RAB27B: variants seen among roughly 807,000 people sequenced by gnomAD.
RAB27B encodes RAB27B, member RAS oncogene family.
In RAB27B, 15 loss-of-function variants were observed where a neutral mutation model predicts 24.6. That is an observed-to-expected ratio of 0.61 (90% CI 0.41 to 0.94). The LOEUF is 0.94. RAB27B is among the 40% of genes least tolerant of loss of function. RAB27B has a pLI of 0.00. For synonymous variants in RAB27B, 105 were observed against 92.5 expected, an observed-to-expected ratio of 1.14 and a Z score of -0.78; for missense variants, 261 against 266.8, an observed-to-expected ratio of 0.98 and a Z score of 0.15.
chr18:54,775,471 G>A (rs768914694), intron 2 of RAB27B, among the ~76,000 whole-genome samples: 14 of 152,072 alleles, frequency 9.2e-5, no homozygotes, highest in East Asian at 1.9e-4. Context: ...GCTACAAACC[G>A]GTCATTTCAT....
intron 2 of RAB27B, among the ~76,000 whole-genome samples, chr18:54,813,568 C>T (rs566866027): frequency 1.3e-5 from 2 of 152,290 alleles, no homozygotes; most frequent in East Asian, 1.9e-4. Context: ...CATGTGATAC[C>T]CTGGCTCCTG....
intron 2 of RAB27B, among the ~76,000 whole-genome samples, chr18:54,755,668 A>G (rs1344554961): frequency 6.6e-6 from 1 of 152,220 alleles, no homozygotes; most frequent in Non-Finnish European, 1.5e-5. Flanking sequence ...ACTACTTTGC[A>G]GTAATTTTAT....
At chr18:54,791,457 C>T (rs192948470) in intron 2 of RAB27B, among the ~76,000 whole-genome samples, 1 of 152,122 alleles carries the variant, frequency 6.6e-6, no homozygotes. Context: ...CGCCTGTAGT[C>T]CCAGCTACTC....
intron 2 of RAB27B, among the ~76,000 whole-genome samples, chr18:54,819,582 T>C (rs988169816): frequency 1.3e-5 from 2 of 150,740 alleles, no homozygotes; most frequent in Non-Finnish European, 3.0e-5. Context: ...TCCACATAAT[T>C]ATAAGGTTTA....
At chr18:54,728,892 A>AC (rs1909631762) in intron 2 of RAB27B, among the ~76,000 whole-genome samples, 2 of 102,566 alleles carry the variant, frequency 1.9e-5, no homozygotes, top group African/African-American at 6.9e-5. Context: ...AAAAAAAAAA[A>AC]AAAAAAAACC....
chr18:54,732,687 T>C (rs988246501), intron 2 of RAB27B, among the ~76,000 whole-genome samples: 1 of 152,200 alleles, frequency 6.6e-6, no homozygotes, highest in African/African-American at 2.4e-5. Context: ...AGAGAGCATT[T>C]AAGAAATTAG....
chr18:54,795,321 T>C (rs761319540), intron 2 of RAB27B, among the ~76,000 whole-genome samples: 4 of 152,180 alleles, frequency 2.6e-5, no homozygotes, highest in Non-Finnish European at 5.9e-5. Context: ...CATTGTATTA[T>C]GGATGTACAT....
chr18:54,798,458 C>CCGAG (rs1383059724), intron 2 of RAB27B, among the ~76,000 whole-genome samples: 3 of 152,230 alleles, frequency 2.0e-5, no homozygotes, highest in African/African-American at 7.2e-5. Context: ...AGAACCAAGG[C>CCGAG]CTCGGGTGCC....
At chr18:54,889,112 AT>A in intron 5 of RAB27B, 111 bp from the exon 6 acceptor site, 3 of 1,044,000 alleles carry the variant, frequency 2.9e-6, no homozygotes, top group Non-Finnish European at 4.0e-6. Context: ...AACCATAATC[AT>A]TTCACAATCT....
chr18:54,753,032 A>G (rs1189355100), intron 2 of RAB27B, among the ~76,000 whole-genome samples: 2 of 152,090 alleles, frequency 1.3e-5, no homozygotes, highest in African/African-American at 4.8e-5. Flanking sequence ...AGTGACTGAG[A>G]ATTTTGGGGG....
intron 2 of RAB27B, among the ~76,000 whole-genome samples, chr18:54,878,908 C>T (rs540079516): frequency 1.8e-4 from 28 of 152,154 alleles, no homozygotes; most frequent in African/African-American, 5.1e-4. Context: ...AAAAGATATT[C>T]GGATATTTGT....
intron 1 of RAB27B, among the ~76,000 whole-genome samples, chr18:54,829,399 G>A (rs1910588187): frequency 6.6e-6 from 1 of 152,156 alleles, no homozygotes; most frequent in African/African-American, 2.4e-5. Context: ...GCTGTGTTTG[G>A]TTAGAGCCTT....
chr18:54,767,387 T>C (rs1214479708), intron 2 of RAB27B, among the ~76,000 whole-genome samples: 1 of 152,152 alleles, frequency 6.6e-6, no homozygotes, highest in African/African-American at 2.4e-5. Flanking sequence ...GGTCATAGTA[T>C]AGTTATCAGG....
In RAB27B at chr18:54,850,333, G is replaced by GATATATATATATATATATAT. The variant is rs35735191; in HGVS notation, c.-20+21641_-20+21660dup. Among the ~76,000 whole-genome samples, 717 of 94,820 alleles carry GATATATATATATATATATAT rather than the reference G, an allele frequency of 7.6e-3. 10 individuals carry two copies. The highest frequency in any genetic ancestry group is 8.6e-3 in the South Asian group (19 of 2,198). The allele number at this position is 94,820 out of a possible 152,430, so 62.2% of individuals were successfully genotyped here. ...TATTTATTTAAAAGCAAACAAACAG[G>GATATATATATATATATATAT]ATATATATATATATATATATATATA... On this transcript the variant is annotated intron_variant, in intron 1 of 5. Transcript: ENST00000262094.
At chr18:54,841,711 C>T (rs1045881488) in intron 1 of RAB27B, among the ~76,000 whole-genome samples, 2 of 149,014 alleles carry the variant, frequency 1.3e-5, no homozygotes, top group Non-Finnish European at 2.9e-5. Context: ...ACAGGTCCAC[C>T]GTTGTAAACT....
chr18:54,847,346 T>C (rs1911380003), intron 1 of RAB27B, among the ~76,000 whole-genome samples: 1 of 152,208 alleles, frequency 6.6e-6, no homozygotes, highest in Non-Finnish European at 1.5e-5. Context: ...GAAGGGGAGA[T>C]ATGTTTCAGT....
At chr18:54,805,826 A>G (rs1044115847) in intron 2 of RAB27B, among the ~76,000 whole-genome samples, 1 of 152,228 alleles carries the variant, frequency 6.6e-6, no homozygotes, top group Non-Finnish European at 1.5e-5. Flanking sequence ...GATCTTATAT[A>G]GAGTAATAAA....
At chr18:54,737,446 A>T (rs1407249143) in intron 2 of RAB27B, among the ~76,000 whole-genome samples, 2 of 152,210 alleles carry the variant, frequency 1.3e-5, no homozygotes, top group Non-Finnish European at 2.9e-5. Context: ...ATATTAGCTA[A>T]TGAGTAGATT....
chr18:54,843,151 G>C (rs1911184331), intron 1 of RAB27B, among the ~76,000 whole-genome samples: 1 of 152,062 alleles, frequency 6.6e-6, no homozygotes, highest in Non-Finnish European at 1.5e-5. Flanking sequence ...GTAAATCACT[G>C]TCTTTCAAAT....
Sources: gnomAD v4.1 joint callset for allele counts (sites outside exome capture counted in the v4.1 genomes callset) on GRCh38, gnomAD v4.1.1 for gene constraint, MANE v1.5 for transcripts, NCBI Gene and HGNC (gene_info 2026-07-23, HGNC 2026-07-21) for gene names.